The following PCDH9 variants were observed in gnomAD, a reference collection of about 807,000 sequenced individuals.
The protein encoded by PCDH9 is protocadherin-9.
PCDH9 carries 24 observed loss-of-function variants against 70.6 expected under a neutral mutation model. That is an observed-to-expected ratio of 0.34 (90% CI 0.25 to 0.48). The LOEUF (loss-of-function observed/expected upper bound fraction) is 0.48, where lower values mean the gene tolerates loss of function less well. Among genes scored for constraint, PCDH9 ranks in the 20% least tolerant of loss-of-function variants. The pLI is 0.99. For missense variants in PCDH9, 1,281 were observed against 1,503.6 expected (o/e 0.85, Z 2.45); for synonymous variants, 562 against 558.5 (o/e 1.01, Z -0.09).
chr13:66,545,243 A>G (rs1961134964), intron 4 of PCDH9, among the ~76,000 whole-genome samples: 1 of 152,208 alleles, frequency 6.6e-6, no homozygotes, highest in African/African-American at 2.4e-5. Context: ...TGAGAAATCT[A>G]CATATTTGTT....
intron 4 of PCDH9, among the ~76,000 whole-genome samples, chr13:66,610,453 A>C (rs2077280053): frequency 6.6e-6 from 1 of 152,136 alleles, no homozygotes; most frequent in Non-Finnish European, 1.5e-5. Flanking sequence ...GAACTAAAGC[A>C]CCAAAAAGCC....
intron 4 of PCDH9, among the ~76,000 whole-genome samples, chr13:66,529,217 G>A (rs570153765): frequency 6.6e-6 from 1 of 151,894 alleles, no homozygotes; most frequent in East Asian, 1.9e-4. Context: ...AAGACAGAAA[G>A]GAAGTTGAAG....
intron 4 of PCDH9, among the ~76,000 whole-genome samples, chr13:66,622,056 C>G (rs2077428959): frequency 6.6e-6 from 1 of 152,250 alleles, no homozygotes; most frequent in African/African-American, 2.4e-5. Context: ...CCGGCCGGCC[C>G]TGTTGGCCCA....
chr13:66,449,053 A>G (rs2138422485), intron 4 of PCDH9, among the ~76,000 whole-genome samples: 1 of 152,300 alleles, frequency 6.6e-6, no homozygotes, highest in East Asian at 1.9e-4. Flanking sequence ...TTCTTAATGC[A>G]GCTCAGCAAG....
chr13:66,377,161 T>G (rs1169955610), intron 4 of PCDH9, among the ~76,000 whole-genome samples: 1 of 152,144 alleles, frequency 6.6e-6, no homozygotes, highest in African/African-American at 2.4e-5. Flanking sequence ...TGCATGCACA[T>G]GGACCGAAGT....
chr13:66,791,352 A>C (rs2080160804), intron 3 of PCDH9, among the ~76,000 whole-genome samples: 1 of 152,076 alleles, frequency 6.6e-6, no homozygotes, highest in African/African-American at 2.4e-5. Flanking sequence ...AGTACATGTT[A>C]AAAAAGGGAA....
chr13:66,980,726 CTTTGTTTTTTTT>C (rs1186289553), intron 2 of PCDH9, among the ~76,000 whole-genome samples: 1 of 33,408 alleles, frequency 3.0e-5, no homozygotes, highest in East Asian at 1.2e-3. Context: ...CTGTTTTTTT[CTTTGTTTTTTTT>C]TTTGTTTTTT....
chr13:66,332,659 AG>A (rs1332301762), intron 4 of PCDH9, among the ~76,000 whole-genome samples: 1 of 152,018 alleles, frequency 6.6e-6, no homozygotes, highest in African/African-American at 2.4e-5. Context: ...CTCTCAGAGG[AG>A]GGGTGGTCAC....
At chr13:67,198,760 G>A (rs775226089) in intron 2 of PCDH9, among the ~76,000 whole-genome samples, 13 of 151,788 alleles carry the variant, frequency 8.6e-5, no homozygotes, top group Non-Finnish European at 1.5e-4. Context: ...TTATTTATGT[G>A]TTCATATGAA....
intron 4 of PCDH9, among the ~76,000 whole-genome samples, chr13:66,410,652 T>C (rs1251353424): frequency 2.0e-5 from 3 of 152,150 alleles, no homozygotes; most frequent in African/African-American, 7.2e-5. Context: ...TGTTGCTGAG[T>C]GTAAGGATGC....
chr13:67,039,467 A>C (rs2085070470), intron 2 of PCDH9, among the ~76,000 whole-genome samples: 1 of 152,080 alleles, frequency 6.6e-6, no homozygotes, highest in African/African-American at 2.4e-5. Context: ...CTCATGCCCC[A>C]TCCCTATAAA....
chr13:66,678,306 T>C (rs1049412697), intron 3 of PCDH9, among the ~76,000 whole-genome samples: 1 of 152,046 alleles, frequency 6.6e-6, no homozygotes, highest in Non-Finnish European at 1.5e-5. Context: ...TAGTAAATCA[T>C]GTGATTTTAA....
intron 3 of PCDH9, among the ~76,000 whole-genome samples, chr13:66,817,141 A>G (rs1020656433): frequency 6.6e-5 from 10 of 152,162 alleles, no homozygotes; most frequent in African/African-American, 2.4e-4. Context: ...GAAGATGTGT[A>G]AGAGTTATAT....
In PCDH9 at chr13:67,227,987, G is replaced by T; in HGVS notation, c.454C>A (p.Pro152Thr). The T allele has an allele frequency of 6.2e-7, 1 of 1,614,124 alleles. No homozygotes were observed. Among genetic ancestry groups the T allele is most frequent in the South Asian group, 1.1e-5 (1 of 91,074 alleles). The change falls in exon 2 of 5, where the codon CCA (proline) becomes ACA (threonine). Residue 152 changes from proline (P) to threonine (T), a missense_variant. Physicochemically the swap from Pro to Thr is conservative, Grantham distance 38. Coordinates refer to ENST00000377865, the MANE Select transcript of PCDH9 (RefSeq NM_203487.3). The surrounding 1 kb of genome is among the most constrained non-coding windows in gnomAD (Gnocchi z 4.6). The part of the protein sequence containing the change: ...FPSPVINISI[P>T]ENTLINSRFP... Reference sequence around the variant, plus strand: ...CGGCTGTTGATCAAAGTGTTTTCTGGAATGGAAATATTGATGACAGGAGAT... The same window carrying T: ...CGGCTGTTGATCAAAGTGTTTTCTGTAATGGAAATATTGATGACAGGAGAT...
Position 67,224,730 on chromosome 13 carries a change from CTTT to C in PCDH9, c.3036+672_3036+674del, listed in dbSNP as rs200944675. On this transcript the variant is annotated intron_variant, in intron 2 of 4. Transcript: ENST00000377865. ...TCAGTTATATTAGGCAGCAAGCATT[CTTT>C]TTTTTTTTTTTTTTGAAAGAGTATT... The C allele has an allele frequency of 7.5e-3, 3,916 of 524,644 alleles. 77 individuals carry two copies. The East Asian group carries it at 0.17, about 22-fold the overall frequency. 32.5% of individuals were successfully genotyped at this position (524,644 alleles called of 1,614,324 possible). A position where few individuals can be genotyped will look rare whatever the true frequency, so the allele number is the denominator to read the frequency against.
chr13:66,750,209 A>T (rs572874210), intron 3 of PCDH9, among the ~76,000 whole-genome samples: 2 of 152,330 alleles, frequency 1.3e-5, no homozygotes, highest in African/African-American at 4.8e-5. Context: ...TTAAAGAAGA[A>T]TGACAAATAT....
chr13:67,042,847 T>C (rs1002531325), intron 2 of PCDH9, among the ~76,000 whole-genome samples: 1 of 152,032 alleles, frequency 6.6e-6, no homozygotes, highest in Non-Finnish European at 1.5e-5. Context: ...GAGAACCCTG[T>C]AGAGAAAGGA....
intron 3 of PCDH9, among the ~76,000 whole-genome samples, chr13:66,778,925 C>A (rs2079945488): frequency 6.6e-6 from 1 of 152,102 alleles, no homozygotes; most frequent in Middle Eastern, 3.2e-3. Flanking sequence ...TTCTGTTTAT[C>A]TTTTTATTTA....
chr13:67,053,087 C>T (rs1220687078), intron 2 of PCDH9, among the ~76,000 whole-genome samples: 3 of 151,834 alleles, frequency 2.0e-5, no homozygotes, highest in Non-Finnish European at 4.4e-5. Flanking sequence ...CAGGAGAGAG[C>T]TCAAGGTGGA....
Sources: allele counts gnomAD v4.1 joint callset (sites outside exome capture counted in the v4.1 genomes callset), GRCh38; gene constraint gnomAD v4.1.1; non-coding constraint Gnocchi (gnomAD v3.1); transcripts MANE v1.5; gene names NCBI Gene and HGNC (gene_info 2026-07-23, HGNC 2026-07-21).